The following NRXN1 variants were observed in gnomAD, a reference collection of about 807,000 sequenced individuals.
NRXN1 encodes neurexin-1.
NRXN1 carries 39 observed loss-of-function variants against 150.9 expected under a neutral mutation model. The ratio of observed to expected loss-of-function variants is 0.26; its 90% CI spans 0.20 to 0.34. The LOEUF (loss-of-function observed/expected upper bound fraction) is 0.34. Ranked by LOEUF, NRXN1 falls within the 10% of genes least tolerant of loss-of-function variation. The pLI is 1.00. For missense variants in NRXN1, 1,815 were observed against 1,949.9 expected, an observed-to-expected ratio of 0.93 and a Z score of 1.30; for synonymous variants, 924 against 757.0, an observed-to-expected ratio of 1.22 and a Z score of -3.62.
At position 50,596,377 on chromosome 2, in the gene NRXN1, T is replaced by G. The variant is rs149358477; in HGVS notation, c.1320+23645A>C. On this transcript the variant is annotated intron_variant, in intron 8 of 22. Coordinates refer to ENST00000401669, the MANE Select transcript of NRXN1 (RefSeq NM_001330078.2). ...TATCCCATGTTATTAAAAATTGCTG[T>G]GTTTTGGAGCATCTTCTATGTGGTT... 2.0e-5 allele frequency among the ~76,000 whole-genome samples: 3 copies of G among 152,364 alleles called. No homozygotes were observed. The East Asian group carries it at 5.8e-4, about 29-fold the overall frequency.
chr2:50,959,608 A>G (rs1473863813), intron 2 of NRXN1, among the ~76,000 whole-genome samples: 2 of 152,050 alleles, frequency 1.3e-5, no homozygotes. Context: ...AAGAATGGGA[A>G]GGACTATAAA....
intron 18 of NRXN1, among the ~76,000 whole-genome samples, chr2:50,172,521 C>A (rs893744119): frequency 6.6e-6 from 1 of 152,088 alleles, no homozygotes; most frequent in African/African-American, 2.4e-5. Context: ...GTGTGTACCA[C>A]CACCCCACAA....
chr2:50,959,491 T>C (rs938589418), intron 2 of NRXN1, among the ~76,000 whole-genome samples: 3 of 151,538 alleles, frequency 2.0e-5, no homozygotes, highest in Non-Finnish European at 4.4e-5. Flanking sequence ...AAGAAGAGAG[T>C]CCCAAAATGC....
intron 21 of NRXN1, among the ~76,000 whole-genome samples, chr2:49,956,203 A>G (rs1170866186): frequency 6.6e-6 from 1 of 152,110 alleles, no homozygotes; most frequent in Non-Finnish European, 1.5e-5. Flanking sequence ...TTTGATAGGA[A>G]AAATAAGTCC....
chr2:50,142,246 T>G (rs1309647596), intron 18 of NRXN1, among the ~76,000 whole-genome samples: 1 of 151,836 alleles, frequency 6.6e-6, no homozygotes, highest in East Asian at 1.9e-4. Context: ...ATGTGGGAGC[T>G]AAAAAAGTTG....
chr2:50,497,374 A>T lies in NRXN1; in HGVS notation c.2838T>A (p.Ser946Arg). The T allele has an allele frequency of 6.4e-7, 1 of 1,562,496 alleles. No homozygotes were observed. The highest frequency in any genetic ancestry group is 8.7e-7 in the Non-Finnish European group (1 of 1,152,508). The part of the protein sequence containing the change: ...TSLDGLILYN[S>R]GDGNDFIVVE... Reference sequence around the variant, plus strand: ...CCACAATAAAGTCATTTCCATCCCCACTGTTATATAGAATTAATCCATCTA... The same window carrying T: ...CCACAATAAAGTCATTTCCATCCCCTCTGTTATATAGAATTAATCCATCTA... The change falls in exon 14 of 23, where the codon AGT becomes AGA. Residue 946 changes from serine (S) to arginine (R), a missense_variant. Ser to Arg is a moderately radical substitution (Grantham distance 110). This residue lies in a region of NRXN1 where 339 missense variants were observed against 440.3 expected (regional missense o/e 0.77). Coordinates refer to ENST00000401669, the MANE Select transcript of NRXN1 (RefSeq NM_001330078.2).
At chr2:50,566,743 G>C (rs972309513) in intron 8 of NRXN1, among the ~76,000 whole-genome samples, 1 of 152,100 alleles carries the variant, frequency 6.6e-6, no homozygotes, top group Non-Finnish European at 1.5e-5. Flanking sequence ...AGGTGACTGA[G>C]CAGGGATCCA....
intron 12 of NRXN1, among the ~76,000 whole-genome samples, chr2:50,514,893 C>T (rs937190601): frequency 2.6e-5 from 4 of 152,192 alleles, no homozygotes; most frequent in Non-Finnish European, 5.9e-5. Context: ...GTAACATAAC[C>T]TTAAAAATAC....
chr2:50,340,553 G>A (rs1442910817), intron 17 of NRXN1, among the ~76,000 whole-genome samples: 2 of 152,062 alleles, frequency 1.3e-5, no homozygotes, highest in African/African-American at 4.8e-5. Flanking sequence ...TGGCTTAAGG[G>A]ACCTGAATAT....
chr2:50,926,380 T>C (rs1686889700), intron 2 of NRXN1, among the ~76,000 whole-genome samples: 1 of 151,984 alleles, frequency 6.6e-6, no homozygotes, highest in African/African-American at 2.4e-5. Flanking sequence ...GAAAGAGCTA[T>C]GAAATTTCAC....
intron 21 of NRXN1, among the ~76,000 whole-genome samples, chr2:50,003,028 A>C (rs1057379295): frequency 1.3e-5 from 2 of 152,142 alleles, no homozygotes; most frequent in African/African-American, 2.4e-5. Context: ...AGTCTGGGCC[A>C]AAAGATTTAT....
chr2:49,960,928 T>TA (rs1414467388), intron 21 of NRXN1, among the ~76,000 whole-genome samples: 1 of 152,208 alleles, frequency 6.6e-6, no homozygotes, highest in Non-Finnish European at 1.5e-5. Context: ...GGGTAAGTTT[T>TA]AAAGCTATCT....
At chr2:50,205,308 T>C (rs2062486650) in intron 18 of NRXN1, among the ~76,000 whole-genome samples, 1 of 152,078 alleles carries the variant, frequency 6.6e-6, no homozygotes, top group Non-Finnish European at 1.5e-5. Flanking sequence ...GCTATAAAAG[T>C]AGAAACTGAT....
intron 5 of NRXN1, among the ~76,000 whole-genome samples, chr2:50,837,100 G>A (rs566317384): frequency 2.6e-5 from 4 of 152,106 alleles, no homozygotes; most frequent in East Asian, 1.9e-4. Context: ...GGTTAACACC[G>A]TATCTCCAGA....
intron 21 of NRXN1, 33 bp from the exon 22 acceptor site, chr2:49,943,824 A>G (rs983626063): frequency 5.5e-5 from 80 of 1,451,844 alleles, no homozygotes; most frequent in Non-Finnish European, 7.6e-5. Context: ...AGATTAATTT[A>G]AAGGGTCCTA....
chr2:50,293,060 G>T (rs530544792), intron 17 of NRXN1, among the ~76,000 whole-genome samples: 1 of 152,204 alleles, frequency 6.6e-6, no homozygotes, highest in East Asian at 1.9e-4. Flanking sequence ...GCCCCTAAGC[G>T]TACATACCCC....
At chr2:49,924,714 T>C (rs2104047347) in intron 22 of NRXN1, among the ~76,000 whole-genome samples, 2 of 152,310 alleles carry the variant, frequency 1.3e-5, no homozygotes, top group South Asian at 4.1e-4. Context: ...AAAACCCAGA[T>C]GTAAATCCCA....
intron 5 of NRXN1, among the ~76,000 whole-genome samples, chr2:50,682,319 C>G (rs1690525675): frequency 6.6e-6 from 1 of 152,058 alleles, no homozygotes; most frequent in Non-Finnish European, 1.5e-5. Flanking sequence ...AACCTTAGCC[C>G]ATTTACATAA....
intron 17 of NRXN1, among the ~76,000 whole-genome samples, chr2:50,343,926 A>G (rs1272984568): frequency 6.6e-6 from 1 of 152,224 alleles, no homozygotes; most frequent in African/African-American, 2.4e-5. Context: ...CATCTAGCCA[A>G]ATAAATTTGC....
Sources: allele counts gnomAD v4.1 joint callset (sites outside exome capture counted in the v4.1 genomes callset), GRCh38; gene constraint gnomAD v4.1.1; regional missense constraint gnomAD v4.1.1; transcripts MANE v1.5; gene names NCBI Gene and HGNC (gene_info 2026-07-23, HGNC 2026-07-21).